The following CDIP1 variants were observed in gnomAD, a reference collection of about 807,000 sequenced individuals.
CDIP1 encodes the protein cell death inducing p53 target 1, also known as cell death-inducing p53-target protein 1.
CDIP1 carries 9 observed loss-of-function variants against 17.7 expected under a neutral mutation model. That is an observed-to-expected ratio of 0.51 (90% confidence interval 0.31 to 0.89). The LOEUF (loss-of-function observed/expected upper bound fraction) is 0.89. CDIP1 is among the 40% of genes least tolerant of loss of function. The pLI is 0.05. For synonymous variants in CDIP1, 117 were observed against 109.5 expected (o/e 1.07, Z -0.43); for missense variants, 263 against 277.9 (o/e 0.95, Z 0.38).
intron 1 of CDIP1, among the ~76,000 whole-genome samples, chr16:4,516,058 C>G (rs765130627): frequency 6.6e-6 from 1 of 152,120 alleles, no homozygotes; most frequent in Non-Finnish European, 1.5e-5. Flanking sequence ...TAAACAAAAC[C>G]GTAGGCTGCC....
At chr16:4,537,435 G>A (rs1300020722) in intron 1 of CDIP1, among the ~76,000 whole-genome samples, 8 of 152,228 alleles carry the variant, frequency 5.3e-5, no homozygotes, top group African/African-American at 1.4e-4. Context: ...CCTCCACCCA[G>A]TTCTACCTAG....
chr16:4,528,367 C>G (rs1386800236), intron 1 of CDIP1, among the ~76,000 whole-genome samples: 1 of 152,192 alleles, frequency 6.6e-6, no homozygotes, highest in African/African-American at 2.4e-5. Flanking sequence ...GCGTGAGCCA[C>G]TGCACTCTTC....
chr16:4,534,690 G>GTTT (rs762718101), intron 1 of CDIP1, among the ~76,000 whole-genome samples: 7 of 130,398 alleles, frequency 5.4e-5, no homozygotes, highest in African/African-American at 2.0e-4. Context: ...TGTTTGCATG[G>GTTT]TTTTTTTTTT....
At chr16:4,530,728 C>G (rs1207689886) in intron 1 of CDIP1, among the ~76,000 whole-genome samples, 1 of 151,826 alleles carries the variant, frequency 6.6e-6, no homozygotes, top group Non-Finnish European at 1.5e-5. Context: ...GTAATCTCAG[C>G]ACTTTGGGAA....
chr16:4,538,273 A>T (rs942738959), intron 1 of CDIP1: 1 of 151,942 alleles, frequency 6.6e-6, no homozygotes, highest in African/African-American at 2.4e-5. Context: ...CAGCGCCCTG[A>T]GGGGAGGACG....
At chr16:4,515,129 G>A (rs373886612) in intron 1 of CDIP1, 1 of 152,230 alleles carries the variant, frequency 6.6e-6, no homozygotes, top group African/African-American at 2.4e-5. Flanking sequence ...TTGGGAAGTG[G>A]GGTTCAGTTA....
chr16:4,523,092 G>C (rs2058967486), intron 1 of CDIP1, among the ~76,000 whole-genome samples: 1 of 152,236 alleles, frequency 6.6e-6, no homozygotes, highest in East Asian at 1.9e-4. Context: ...AAGCACCCCA[G>C]GGCTGGGCTG....
At chr16:4,520,969 C>A (rs2058940429) in intron 1 of CDIP1, among the ~76,000 whole-genome samples, 1 of 152,218 alleles carries the variant, frequency 6.6e-6, no homozygotes, top group Admixed American at 6.5e-5. Flanking sequence ...CAGCATCAAA[C>A]TCCATTTGAC....
At chr16:4,517,814 C>G (rs1218557706) in intron 1 of CDIP1, among the ~76,000 whole-genome samples, 2 of 151,898 alleles carry the variant, frequency 1.3e-5, no homozygotes, top group African/African-American at 2.4e-5. Context: ...GGGTCCCTTG[C>G]CCAGGCTGCT....
intron 1 of CDIP1, among the ~76,000 whole-genome samples, chr16:4,526,014 A>G (rs1225674979): frequency 1.3e-5 from 2 of 152,174 alleles, no homozygotes; most frequent in Non-Finnish European, 2.9e-5. Context: ...TAAGTCACAG[A>G]AAGGACCAGA....
Position 4,511,552 on chromosome 16 carries a change from G to A in CDIP1, c.*1020C>T, listed in dbSNP as rs1412103582. The A allele has an allele frequency of 3.3e-5, 5 of 152,324 alleles. No homozygotes were observed. Among genetic ancestry groups the A allele is most frequent in the Non-Finnish European group, 7.3e-5 (5 of 68,076 alleles). The allele number at this position is 152,324 out of a possible 1,614,324, so 9.4% of individuals were successfully genotyped here. On this transcript the variant is annotated 3_prime_UTR_variant, in exon 6 of 6. Coordinates refer to ENST00000567695, the MANE Select transcript of CDIP1 (RefSeq NM_013399.3). Reference sequence around the variant, plus strand: ...TGTGGCTGCTCCTTCCTCGTCCCTAGCCCAGTGTGCCTGCAGGAGCAGGTG... The same window carrying A: ...TGTGGCTGCTCCTTCCTCGTCCCTAACCCAGTGTGCCTGCAGGAGCAGGTG...
intron 1 of CDIP1, among the ~76,000 whole-genome samples, chr16:4,521,720 A>G (rs1458619383): frequency 1.4e-5 from 2 of 147,040 alleles, no homozygotes; most frequent in African/African-American, 5.0e-5. Flanking sequence ...AAAAAAAAAA[A>G]AAGGCGGGGG....
chr16:4,513,187 C>T lies in CDIP1; in HGVS notation c.242-123G>A. ...CGTGCAAGGCTACGCCTCAGACCTC[C>T]TACCGCCCTCCTAACGGGCCAGTGG... On this transcript the variant is annotated intron_variant, in intron 4 of 5. Coordinates refer to ENST00000567695, the MANE Select transcript of CDIP1 (RefSeq NM_013399.3). The surrounding 1 kb of genome is among the most constrained non-coding windows in gnomAD (Gnocchi z 4.1). The T allele has an allele frequency of 1.9e-6, 2 of 1,027,364 alleles. No homozygotes were observed. The highest frequency in any genetic ancestry group is 2.7e-6 in the Non-Finnish European group (2 of 727,450). 63.6% of individuals were successfully genotyped at this position (1,027,364 alleles called of 1,614,324 possible). A position where few individuals can be genotyped will look rare whatever the true frequency, so the allele number is the denominator to read the frequency against.
intron 1 of CDIP1, among the ~76,000 whole-genome samples, chr16:4,530,171 G>C (rs564332159): frequency 2.0e-5 from 3 of 152,190 alleles, no homozygotes; most frequent in African/African-American, 7.2e-5. Context: ...TGAAGAAAGC[G>C]CTCTAGGAAC....
intron 1 of CDIP1, among the ~76,000 whole-genome samples, chr16:4,535,969 G>A (rs2059102448): frequency 6.6e-6 from 1 of 152,174 alleles, no homozygotes; most frequent in Non-Finnish European, 1.5e-5. Flanking sequence ...CTATTTCCAA[G>A]TCCCCTCGTG....
chr16:4,517,683 G>C (rs1176196684), intron 1 of CDIP1, among the ~76,000 whole-genome samples: 2 of 152,060 alleles, frequency 1.3e-5, no homozygotes, highest in African/African-American at 4.8e-5. Context: ...AGAGGATACA[G>C]TGAGCCATGA....
intron 1 of CDIP1, among the ~76,000 whole-genome samples, chr16:4,520,458 T>C (rs1182121953): frequency 2.0e-5 from 3 of 152,204 alleles, no homozygotes; most frequent in African/African-American, 4.8e-5. Flanking sequence ...GCCTTAACAA[T>C]GGTTTTTTTC....
At chr16:4,529,785 C>A (rs1251252026) in intron 1 of CDIP1, among the ~76,000 whole-genome samples, 1 of 152,214 alleles carries the variant, frequency 6.6e-6, no homozygotes, top group Non-Finnish European at 1.5e-5. Flanking sequence ...TCAAGACACA[C>A]CACTGCAACC....
At chr16:4,534,960 C>T (rs115290376) in intron 1 of CDIP1, among the ~76,000 whole-genome samples, 2,477 of 152,174 alleles carry the variant, frequency 0.016, 73 homozygotes, top group African/African-American at 0.055. Context: ...TCAGGTGATC[C>T]GCCCCCGTTG....
Sources: gnomAD v4.1 joint callset for allele counts (sites outside exome capture counted in the v4.1 genomes callset) on GRCh38, gnomAD v4.1.1 for gene constraint, Gnocchi (gnomAD v3.1) non-coding constraint, MANE v1.5 for transcripts, NCBI Gene and HGNC (gene_info 2026-07-23, HGNC 2026-07-21) for gene names.